MICU3: variants seen among roughly 807,000 people sequenced by gnomAD.
MICU3 encodes the protein mitochondrial calcium uptake 3.
MICU3 carries 62 observed loss-of-function variants against 66.5 expected under a neutral mutation model. The observed-to-expected ratio is 0.93, with a 90% confidence interval of 0.76 to 1.15. MICU3 has a LOEUF of 1.15. Ranked by LOEUF, MICU3 falls within the 50% of genes most tolerant of loss-of-function variation. The probability of loss-of-function intolerance (pLI) is 0.00; values close to 1 mark genes in which losing one functional copy is unlikely to be tolerated. For missense variants in MICU3, 779 were observed against 664.4 expected, an observed-to-expected ratio of 1.17 and a Z score of -1.90; for synonymous variants, 308 against 240.7, an observed-to-expected ratio of 1.28 and a Z score of -2.59.
chr8:17,132,193 A>G, the MICU3 span: 1 of 152,356 alleles, frequency 6.6e-6, no homozygotes, highest in East Asian at 1.9e-4. Context: ...GAAGGGAGCA[A>G]GAAGAGGAAA....
At chr8:17,029,059 G>T (rs191911962) in intron 1 of MICU3, among the ~76,000 whole-genome samples, 1 of 152,226 alleles carries the variant, frequency 6.6e-6, no homozygotes, top group Non-Finnish European at 1.5e-5. Flanking sequence ...GAAATTACTT[G>T]ACCTGTCAAT....
chr8:17,064,433 A>T (rs1426589132), intron 2 of MICU3, among the ~76,000 whole-genome samples, 196 bp downstream of exon 2: 4 of 152,140 alleles, frequency 2.6e-5, no homozygotes, highest in African/African-American at 4.8e-5. Context: ...GAAACTTTCA[A>T]TTGCTCCATC....
At chr8:17,111,722 T>C (rs1181963182) in intron 11 of MICU3, among the ~76,000 whole-genome samples, 4 of 152,222 alleles carry the variant, frequency 2.6e-5, no homozygotes, top group Non-Finnish European at 5.9e-5. Context: ...TCTAGCTTCT[T>C]TCTTTTGCAT....
intron 2 of MICU3, among the ~76,000 whole-genome samples, chr8:17,065,875 T>C (rs1362131828): frequency 6.6e-6 from 1 of 152,098 alleles, no homozygotes; most frequent in East Asian, 1.9e-4. Flanking sequence ...GAATTTGAAG[T>C]AGACACTTTT....
chr8:17,133,187 T>C, the MICU3 span: 1 of 152,214 alleles, frequency 6.6e-6, no homozygotes, highest in Non-Finnish European at 1.5e-5. Context: ...TACTTTTGAT[T>C]CCTGAACCCA....
chr8:17,122,489 T>C lies in MICU3; in HGVS notation c.*2202T>C, dbSNP rs1472457060. ...AACTTTTTACAGAAAGCATACATGA[T>C]AAACAGTTTATGGTACTTCTCAGAA... On this transcript the variant is annotated 3_prime_UTR_variant, in exon 15 of 15. Coordinates refer to ENST00000318063, the MANE Select transcript of MICU3 (RefSeq NM_181723.3). The C allele has an allele frequency of 6.6e-6, 1 of 151,934 alleles. No individual in the cohort carries two copies. Among genetic ancestry groups the C allele is most frequent in the Non-Finnish European group, 1.5e-5 (1 of 67,792 alleles). The allele number at this position is 151,934 out of a possible 1,614,324, so 9.4% of individuals were successfully genotyped here.
intron 3 of MICU3, among the ~76,000 whole-genome samples, chr8:17,073,383 G>A (rs1040576771): frequency 3.3e-5 from 5 of 151,958 alleles, no homozygotes; most frequent in African/African-American, 1.2e-4. Context: ...GAACTGGCAT[G>A]TGAGGGATCT....
intron 2 of MICU3, among the ~76,000 whole-genome samples, chr8:17,068,307 A>G (rs1443536918): frequency 6.6e-6 from 1 of 152,198 alleles, no homozygotes; most frequent in East Asian, 1.9e-4. Context: ...GACAGAATGA[A>G]TATGTCTTTT....
chr8:17,065,991 T>A (rs1818618564), intron 2 of MICU3, among the ~76,000 whole-genome samples: 1 of 151,846 alleles, frequency 6.6e-6, no homozygotes, highest in African/African-American at 2.4e-5. Context: ...ATCAAGACAG[T>A]ATATGGTATA....
At chr8:17,131,984 A>G in the MICU3 span, 3 of 152,206 alleles carry the variant, frequency 2.0e-5, no homozygotes, top group Non-Finnish European at 2.9e-5. Context: ...CTTGAATGCC[A>G]TACAATAATA....
chr8:17,134,638 G>A, the MICU3 span, among the ~76,000 whole-genome samples: 2 of 152,092 alleles, frequency 1.3e-5, no homozygotes, highest in African/African-American at 2.4e-5. Flanking sequence ...TAGAGACGGG[G>A]TTTCACCATG....
chr8:17,112,300 T>G (rs1048870764), intron 11 of MICU3, among the ~76,000 whole-genome samples: 74 of 152,242 alleles, frequency 4.9e-4, no homozygotes, highest in African/African-American at 1.7e-3. Context: ...CATTGTTTTA[T>G]TTTTGTTAGC....
chr8:17,041,417 G>A (rs1466660366), intron 1 of MICU3, among the ~76,000 whole-genome samples: 1 of 152,154 alleles, frequency 6.6e-6, no homozygotes, highest in Non-Finnish European at 1.5e-5. Context: ...TTAGCAACAA[G>A]GAAGTCATGG....
chr8:17,061,099 A>G (rs538852126), intron 1 of MICU3, among the ~76,000 whole-genome samples: 3 of 152,294 alleles, frequency 2.0e-5, no homozygotes, highest in Admixed American at 1.3e-4. Flanking sequence ...AGAGGTAACA[A>G]TCACAGGGCA....
intron 3 of MICU3, among the ~76,000 whole-genome samples, chr8:17,073,421 A>G (rs1001872503): frequency 1.3e-5 from 2 of 151,922 alleles, no homozygotes; most frequent in African/African-American, 2.4e-5. Flanking sequence ...TGAGAATCTA[A>G]TGCCTGATGA....
intron 1 of MICU3, among the ~76,000 whole-genome samples, chr8:17,063,677 A>C (rs1818221428): frequency 6.6e-6 from 1 of 152,152 alleles, no homozygotes; most frequent in South Asian, 2.1e-4. Flanking sequence ...AAATTAGTGG[A>C]TGTTAGTGAA....
the MICU3 span, among the ~76,000 whole-genome samples, chr8:17,135,572 G>A: frequency 1.3e-5 from 2 of 151,868 alleles, no homozygotes; most frequent in Non-Finnish European, 2.9e-5. Context: ...TGCAAACTAA[G>A]GCAAATGTGT....
chr8:17,043,479 A>G, intron 1 of MICU3, among the ~76,000 whole-genome samples: 1 of 152,200 alleles, frequency 6.6e-6, no homozygotes, highest in East Asian at 1.9e-4. Flanking sequence ...ACTATCATCA[A>G]GCTTAAAAAT....
At chr8:17,081,478 G>GCAAATATAATCATTATATT (rs1489359750) in intron 4 of MICU3, among the ~76,000 whole-genome samples, 1 of 151,954 alleles carries the variant, frequency 6.6e-6, no homozygotes, top group East Asian at 1.9e-4. Flanking sequence ...CAATATATTT[G>GCAAATATAATCATTATATT]AGAGCATAAT....
Sources: allele counts gnomAD v4.1 joint callset (sites outside exome capture counted in the v4.1 genomes callset), GRCh38; gene constraint gnomAD v4.1.1; transcripts MANE v1.5; gene names NCBI Gene and HGNC (gene_info 2026-07-23, HGNC 2026-07-21).